Variants in SP100 observed in about 807,000 individuals in gnomAD.
SP100 encodes the protein nuclear autoantigen Sp-100.
A neutral mutation model predicts 130.0 loss-of-function variants in SP100; 84 were observed. The ratio of observed to expected loss-of-function variants is 0.65; its 90% CI spans 0.54 to 0.77. SP100 has a LOEUF of 0.77. SP100 is among the 30% of genes least tolerant of loss of function. SP100 has a pLI of 0.00. For synonymous variants in SP100, 331 were observed against 351.7 expected (o/e 0.94, Z 0.66); for missense variants, 978 against 1,052.2 (o/e 0.93, Z 0.97).
At chr2:230,535,410 A>G (rs370028404) in intron 24 of SP100, among the ~76,000 whole-genome samples, 1 of 152,150 alleles carries the variant, frequency 6.6e-6, no homozygotes, top group East Asian at 1.9e-4. Flanking sequence ...AGTTGCCTAC[A>G]CTGAACAAAT....
chr2:230,534,644 A>T (rs1273144398), intron 24 of SP100, among the ~76,000 whole-genome samples: 2 of 152,226 alleles, frequency 1.3e-5, no homozygotes, highest in East Asian at 1.9e-4. Context: ...AATTATGCAG[A>T]AAGCGTTGTC....
At chr2:230,497,158 T>C (rs940789360) in intron 18 of SP100, among the ~76,000 whole-genome samples, 3 of 152,086 alleles carry the variant, frequency 2.0e-5, no homozygotes, top group Non-Finnish European at 4.4e-5. Context: ...AAGAGCTCTA[T>C]AGTATTAGCA....
Position 230,544,670 on chromosome 2 carries a change from G to C in SP100, c.*1724G>C, listed in dbSNP as rs1217288360. 1.3e-5 allele frequency among the ~76,000 whole-genome samples: 2 copies of C among 152,048 alleles called. No individual in the cohort carries two copies. Among genetic ancestry groups the C allele is most frequent in the Non-Finnish European group, 2.9e-5 (2 of 68,012 alleles). ...ACTGATTTTGTATTTTAGTAGAGAC[G>C]GGGTTTCTCCACATTGGTCAGGCTG... On this transcript the variant is annotated 3_prime_UTR_variant, in exon 29 of 29. Coordinates refer to ENST00000340126, the MANE Select transcript of SP100 (RefSeq NM_001080391.2).
chr2:230,436,961 C>CGCATATATGTGTAT lies in SP100; in HGVS notation c.108-5976_108-5975insGCATATATGTGTAT, dbSNP rs1559486655. On this transcript the variant is annotated intron_variant, in intron 2 of 28. Coordinates refer to ENST00000340126, the MANE Select transcript of SP100 (RefSeq NM_001080391.2). The stretch of plus-strand genomic sequence containing the variant: ...ACACACGCATATATGTGTATACACA[C>CGCATATATGTGTAT]ACATATATATGTGTATACACACACA... Among the ~76,000 whole-genome samples the CGCATATATGTGTAT allele has an allele frequency of 3.1e-5, 4 of 130,200 alleles. No individual in the cohort carries two copies. In the South Asian group the frequency reaches 7.1e-4, roughly 23 times the overall value. 85.4% of individuals were successfully genotyped at this position (130,200 alleles called of 152,430 possible).
At chr2:230,490,417 C>T (rs1056252161) in intron 17 of SP100, among the ~76,000 whole-genome samples, 2 of 152,100 alleles carry the variant, frequency 1.3e-5, no homozygotes, top group African/African-American at 4.8e-5. Flanking sequence ...CTCCTGAATA[C>T]AGCACACCAA....
chr2:230,465,462 C>T (rs1318692842), intron 11 of SP100, among the ~76,000 whole-genome samples: 1 of 152,060 alleles, frequency 6.6e-6, no homozygotes, highest in East Asian at 1.9e-4. Flanking sequence ...GAGCTGGAGG[C>T]TATTATCCTT....
At position 230,501,171 on chromosome 2, in the gene SP100, G is replaced by A. The variant is rs576883860; in HGVS notation, c.1721-1895G>A. On this transcript the variant is annotated intron_variant, in intron 19 of 28. Transcript: ENST00000340126. ...GAAGGAAAATCACTTGAACCTGGGAGGTGGAGGTTGCAGCCAGCCGAGATC... is the reference window on the plus strand; with the variant it reads ...GAAGGAAAATCACTTGAACCTGGGAAGTGGAGGTTGCAGCCAGCCGAGATC... Among the ~76,000 whole-genome samples, 11 of 152,290 alleles carry A rather than the reference G, an allele frequency of 7.2e-5. No individual in the cohort carries two copies. In the South Asian group the frequency reaches 2.3e-3, roughly 32 times the overall value.
intron 24 of SP100, among the ~76,000 whole-genome samples, chr2:230,518,069 C>T (rs1691009079): frequency 6.6e-6 from 1 of 151,380 alleles, no homozygotes; most frequent in Non-Finnish European, 1.5e-5. Context: ...TTTCTCTGTA[C>T]TTTCTTAAAT....
intron 18 of SP100, among the ~76,000 whole-genome samples, chr2:230,495,803 A>G (rs2066638587): frequency 1.3e-5 from 2 of 151,548 alleles, no homozygotes; most frequent in Admixed American, 6.6e-5. Context: ...TTATTTTTGC[A>G]TCTTGTAAAA....
At chr2:230,426,407 T>C (rs2062933766) in intron 2 of SP100, among the ~76,000 whole-genome samples, 1 of 152,222 alleles carries the variant, frequency 6.6e-6, no homozygotes, top group African/African-American at 2.4e-5. Context: ...TTCCTGCATC[T>C]CATTAAGTTT....
chr2:230,518,312 T>G (rs1212768627), intron 24 of SP100, among the ~76,000 whole-genome samples: 1 of 152,004 alleles, frequency 6.6e-6, no homozygotes, highest in Non-Finnish European at 1.5e-5. Context: ...CTTCTTATAA[T>G]TTTCTGTCAT....
At chr2:230,464,611 C>T (rs898765316) in intron 11 of SP100, among the ~76,000 whole-genome samples, 1 of 150,918 alleles carries the variant, frequency 6.6e-6, no homozygotes, top group African/African-American at 2.4e-5. Context: ...TTATTAATGG[C>T]AAAAAAAAAG....
At chr2:230,477,428 A>C (rs1040431975) in intron 17 of SP100, among the ~76,000 whole-genome samples, 22 of 152,068 alleles carry the variant, frequency 1.4e-4, no homozygotes, top group Non-Finnish European at 2.9e-5. Flanking sequence ...TATTTTAAAA[A>C]TATTGTTTTA....
chr2:230,493,717 C>T (rs1220367630), intron 17 of SP100: 1 of 151,956 alleles, frequency 6.6e-6, no homozygotes. Context: ...TTTAGCTCTT[C>T]AAAGTATGCC....
At chr2:230,495,436 C>T (rs1164796292) in intron 18 of SP100, among the ~76,000 whole-genome samples, 4 of 152,228 alleles carry the variant, frequency 2.6e-5, no homozygotes, top group African/African-American at 7.2e-5. Flanking sequence ...AATTCTGCCT[C>T]AGCCTCCCGA....
At chr2:230,511,327 G>A (rs1473819707) in intron 24 of SP100, among the ~76,000 whole-genome samples, 161 bp downstream of exon 24, 1 of 152,122 alleles carries the variant, frequency 6.6e-6, no homozygotes, top group Non-Finnish European at 1.5e-5. Context: ...CTGGGATTGG[G>A]TGTCTCAGTG....
chr2:230,442,816 G>A, intron 2 of SP100, 121 bp from the exon 3 acceptor site: 4 of 817,184 alleles, frequency 4.9e-6, no homozygotes, highest in Non-Finnish European at 8.1e-6. Flanking sequence ...CTCTACTGAG[G>A]ACCACCTAAT....
intron 2 of SP100, among the ~76,000 whole-genome samples, chr2:230,436,418 T>C (rs954268826): frequency 2.6e-5 from 4 of 152,114 alleles, no homozygotes; most frequent in African/African-American, 4.8e-5. Flanking sequence ...AATTGAATCA[T>C]GGGGCAATTT....
chr2:230,446,377 G>A (rs923862443), intron 4 of SP100, among the ~76,000 whole-genome samples: 1 of 152,212 alleles, frequency 6.6e-6, no homozygotes, highest in Non-Finnish European at 1.5e-5. Flanking sequence ...CCAAAGTGCT[G>A]TGATTACAGG....
Sources: gnomAD v4.1 joint callset for allele counts (sites outside exome capture counted in the v4.1 genomes callset) on GRCh38, gnomAD v4.1.1 for gene constraint, MANE v1.5 for transcripts, NCBI Gene and HGNC (gene_info 2026-07-23, HGNC 2026-07-21) for gene names.